Variants in TMEM62 observed in about 807,000 individuals in gnomAD.
TMEM62 encodes transmembrane protein 62.
A neutral mutation model predicts 70.4 loss-of-function variants in TMEM62; 41 were observed. That is an observed-to-expected ratio of 0.58 (90% CI 0.45 to 0.76). The LOEUF (loss-of-function observed/expected upper bound fraction) is 0.76, where lower values mean the gene tolerates loss of function less well. Ranked by LOEUF, TMEM62 falls within the 30% of genes least tolerant of loss-of-function variation. TMEM62 has a pLI of 0.00. For missense variants in TMEM62, 688 were observed against 788.5 expected (o/e 0.87, Z 1.53); for synonymous variants, 268 against 291.0 (o/e 0.92, Z 0.80).
At chr15:43,158,090 G>T (rs1469891227) in intron 9 of TMEM62, among the ~76,000 whole-genome samples, 1 of 152,000 alleles carries the variant, frequency 6.6e-6, no homozygotes, top group African/African-American at 2.4e-5. Context: ...TTACATCCCT[G>T]GGGTATCATT....
At chr15:43,160,511 C>A in intron 9 of TMEM62, 170 bp from the exon 10 acceptor site, 1 of 550,550 alleles carries the variant, frequency 1.8e-6, no homozygotes, top group Non-Finnish European at 3.2e-6. Context: ...CACCACTGCA[C>A]GCCAGCCTGG....
Position 43,160,779 on chromosome 15 carries a change from T to C in TMEM62, c.1281T>C (p.Thr427=). The change falls in exon 10 of 14, where the codon ACT becomes ACC. Residue 427 remains threonine, a synonymous_variant. Coordinates refer to ENST00000260403, the MANE Select transcript of TMEM62 (RefSeq NM_024956.4). ...FDPLASFILR[T]DHYIMARVLF... ...CCCTGGCATCATTTATTCTCCGTAC[T>C]GATCACTACATCATGGTAAGTGAAT... The C allele has an allele frequency of 1.3e-6, 2 of 1,593,198 alleles. No individual in the cohort carries two copies. Among genetic ancestry groups the C allele is most frequent in the Non-Finnish European group, 1.7e-6 (2 of 1,163,972 alleles).
intron 11 of TMEM62, among the ~76,000 whole-genome samples, chr15:43,171,319 G>C (rs933163390): frequency 6.6e-6 from 1 of 150,590 alleles, no homozygotes; most frequent in African/African-American, 2.4e-5. Context: ...TTGGGCAACA[G>C]AGCGAGACTC....
Position 43,133,684 on chromosome 15 carries a change from C to G in TMEM62, c.-119C>G. On this transcript the variant is annotated 5_prime_UTR_variant, in exon 1 of 14. Transcript: ENST00000260403. ...TCCAGCCCCGCATCCGGCGCCGGCC[C>G]CGCATCCAGCTCTGGCCCTGCGACA... 1 of 729,148 alleles carries G rather than the reference C, an allele frequency of 1.4e-6. No homozygotes were observed. The highest frequency in any genetic ancestry group is 3.6e-5 in the East Asian group (1 of 27,712). The allele number at this position is 729,148 out of a possible 1,614,324, so 45.2% of individuals were successfully genotyped here. A position where few individuals can be genotyped will look rare whatever the true frequency, so the allele number is the denominator to read the frequency against.
intron 10 of TMEM62, among the ~76,000 whole-genome samples, chr15:43,164,236 G>T (rs189132179): frequency 6.6e-6 from 1 of 151,876 alleles, no homozygotes; most frequent in Non-Finnish European, 1.5e-5. Flanking sequence ...TCTCTTAAAG[G>T]CTCCATCTCT....
intron 10 of TMEM62, among the ~76,000 whole-genome samples, chr15:43,161,357 C>T (rs112343602): frequency 3.3e-5 from 5 of 152,130 alleles, no homozygotes; most frequent in Non-Finnish European, 5.9e-5. Context: ...GTTATCATAT[C>T]GAAGGGAATT....
intron 10 of TMEM62, among the ~76,000 whole-genome samples, chr15:43,164,430 A>G (rs1485023201): frequency 1.3e-5 from 2 of 151,218 alleles, no homozygotes; most frequent in African/African-American, 4.9e-5. Flanking sequence ...TTATACCTTC[A>G]GATGATTTCT....
At chr15:43,134,175 C>T in intron 1 of TMEM62, 82 bp from the exon 2 acceptor site, 1 of 1,513,016 alleles carries the variant, frequency 6.6e-7, no homozygotes, top group Non-Finnish European at 9.1e-7. Flanking sequence ...TTTCCTTCTG[C>T]CCGAGAGAGC....
rs2034731300 is a variant in TMEM62, at chr15:43,133,788, C to G, written c.-15C>G. Reference sequence around the variant, plus strand: ...CGCGGGATCAGCGAGGGCCGCGCCCCGGCGGGCGGGCGGCATGGCTGCAGT... The same window carrying G: ...CGCGGGATCAGCGAGGGCCGCGCCCGGGCGGGCGGGCGGCATGGCTGCAGT... On this transcript the variant is annotated 5_prime_UTR_variant, in exon 1 of 14. Coordinates refer to ENST00000260403, the MANE Select transcript of TMEM62 (RefSeq NM_024956.4). The G allele has an allele frequency of 7.4e-7, 1 of 1,354,348 alleles. No homozygotes were observed. The highest frequency in any genetic ancestry group is 9.4e-7 in the Non-Finnish European group (1 of 1,062,544). The allele number at this position is 1,354,348 out of a possible 1,614,324, so 83.9% of individuals were successfully genotyped here.
At chr15:43,165,508 C>T (rs942862990) in intron 10 of TMEM62, among the ~76,000 whole-genome samples, 14 of 151,902 alleles carry the variant, frequency 9.2e-5, no homozygotes, top group African/African-American at 2.4e-4. Flanking sequence ...CCGAGGTGGG[C>T]GGATCACAAG....
intron 7 of TMEM62, among the ~76,000 whole-genome samples, chr15:43,150,776 T>C (rs2037266396): frequency 6.6e-6 from 1 of 152,210 alleles, no homozygotes; most frequent in African/African-American, 2.4e-5. Flanking sequence ...TTAAGTACTT[T>C]GGACCACAGG....
Position 43,169,678 on chromosome 15 carries a change from G to C in TMEM62, c.1381+1G>C, listed in dbSNP as rs760804094. 1 of 1,611,572 alleles carries C rather than the reference G, an allele frequency of 6.2e-7. No homozygotes were observed. The highest frequency in any genetic ancestry group is 8.5e-7 in the Non-Finnish European group (1 of 1,178,012). ...TATCGAGGATACCCAGAGCTTAAAG[G>C]TTAGTTATGGTTCCTTTTATTCCTA... On this transcript the variant is annotated splice_donor_variant, in intron 11 of 13. Transcript: ENST00000260403. LOFTEE classifies it high-confidence loss of function.
chr15:43,149,718 GGCCCAAACT>G (rs2037136236), intron 7 of TMEM62, among the ~76,000 whole-genome samples: 1 of 152,044 alleles, frequency 6.6e-6, no homozygotes, highest in Admixed American at 6.5e-5. Flanking sequence ...CATGGCGCCT[GGCCCAAACT>G]GCCTTTTTTA....
chr15:43,165,549 C>G lies in TMEM62; in HGVS notation c.1297-4044C>G, dbSNP rs1034762956. Among the ~76,000 whole-genome samples the G allele has an allele frequency of 7.2e-5, 11 of 151,982 alleles. No homozygotes were observed. The East Asian group carries it at 2.1e-3, about 29-fold the overall frequency. ...GAGATAGAGAACATCCTGGCTAACA[C>G]AGTGAAACCCCATCTCTACTAAAAA... On this transcript the variant is annotated intron_variant, in intron 10 of 13. Transcript: ENST00000260403.
chr15:43,158,665 A>G (rs1596285632), intron 9 of TMEM62, among the ~76,000 whole-genome samples: 1 of 152,314 alleles, frequency 6.6e-6, no homozygotes, highest in East Asian at 1.9e-4. Flanking sequence ...TTATAGGAAT[A>G]TTAATTAGAA....
chr15:43,182,749 C>T (rs1438647760), intron 13 of TMEM62, among the ~76,000 whole-genome samples: 1 of 152,226 alleles, frequency 6.6e-6, no homozygotes. Context: ...CCACTGCACC[C>T]AGCCTCATTG....
intron 8 of TMEM62, among the ~76,000 whole-genome samples, chr15:43,153,000 TTTCTTTCAG>T (rs1264193428): frequency 6.6e-6 from 1 of 152,338 alleles, no homozygotes; most frequent in East Asian, 1.9e-4. Flanking sequence ...CCTGATTTGT[TTTCTTTCAG>T]CACAAAGAAT....
chr15:43,174,881 C>A (rs1349984325), intron 11 of TMEM62, among the ~76,000 whole-genome samples: 2 of 152,204 alleles, frequency 1.3e-5, no homozygotes, highest in African/African-American at 2.4e-5. Context: ...GCATCAGTAT[C>A]TTTTAAAGCT....
rs1165083791 is a variant in TMEM62, at chr15:43,140,042, G to T, written c.476+1423G>T. Among the ~76,000 whole-genome samples the T allele has an allele frequency of 1.6e-4, 25 of 152,300 alleles. No individual in the cohort carries two copies. In the East Asian group the frequency reaches 4.6e-3, roughly 28 times the overall value. On this transcript the variant is annotated intron_variant, in intron 4 of 13. Transcript: ENST00000260403. ...GTCAATCCCTGGCTTCAAAGGATGG[G>T]CTGACTATTGCTAGAGGTCCATGCA...
Sources: gnomAD v4.1 joint callset for allele counts (sites outside exome capture counted in the v4.1 genomes callset) on GRCh38, gnomAD v4.1.1 for gene constraint, MANE v1.5 for transcripts, NCBI Gene and HGNC (gene_info 2026-07-23, HGNC 2026-07-21) for gene names.